ADGRL3: variants seen among roughly 807,000 people sequenced by gnomAD.
The protein encoded by ADGRL3 is calcium-independent alpha-latrotoxin receptor 3.
ADGRL3 carries 62 observed loss-of-function variants against 153.5 expected under a neutral mutation model. The observed-to-expected ratio is 0.40, with a 90% CI of 0.33 to 0.50. The LOEUF (loss-of-function observed/expected upper bound fraction) is 0.50. Ranked by LOEUF, ADGRL3 falls within the 20% of genes least tolerant of loss-of-function variation. The pLI is 0.47. For missense variants in ADGRL3, 1,641 were observed against 1,859.4 expected (o/e 0.88, Z 2.16); for synonymous variants, 710 against 672.5 (o/e 1.06, Z -0.86).
At position 62,031,615 on chromosome 4, in the gene ADGRL3, G is replaced by T. The variant is rs1360880141; in HGVS notation, c.3591+5G>T. On this transcript the variant is annotated splice_donor_5th_base_variant and intron_variant, in intron 23 of 26. Transcript: ENST00000683033. ...CATTGTGTCCTACAGAAGAAGGTAA[G>T]CTAGAATTCTTTTTTTAAAATAAAA... 6.3e-7 allele frequency: 1 copy of T among 1,586,290 alleles called. No individual in the cohort carries two copies. Among genetic ancestry groups the T allele is most frequent in the South Asian group, 1.1e-5 (1 of 88,542 alleles).
intron 19 of ADGRL3, among the ~76,000 whole-genome samples, chr4:61,993,059 T>C (rs930045072): frequency 6.6e-6 from 1 of 152,004 alleles, no homozygotes; most frequent in Non-Finnish European, 1.5e-5. Flanking sequence ...CAAAAACTTA[T>C]TTGACCTACA....
At chr4:61,986,844 A>T (rs2099087198) in intron 19 of ADGRL3, among the ~76,000 whole-genome samples, 1 of 152,162 alleles carries the variant, frequency 6.6e-6, no homozygotes, top group African/African-American at 2.4e-5. Context: ...CTTTTTCGGA[A>T]TTCATGCAAT....
intron 3 of ADGRL3, among the ~76,000 whole-genome samples, chr4:61,506,658 T>G (rs897935913): frequency 2.4e-4 from 36 of 152,194 alleles, no homozygotes; most frequent in African/African-American, 8.7e-4. Flanking sequence ...TTTGAAAAAA[T>G]TGAATAGTGA....
intron 4 of ADGRL3, among the ~76,000 whole-genome samples, chr4:61,582,764 T>C (rs903456170): frequency 1.3e-5 from 2 of 152,020 alleles, no homozygotes; most frequent in Non-Finnish European, 2.9e-5. Flanking sequence ...TGGCAGGTGA[T>C]TTAGTCCATA....
intron 2 of ADGRL3, among the ~76,000 whole-genome samples, chr4:61,388,245 G>T (rs901132082): frequency 6.6e-6 from 1 of 152,048 alleles, no homozygotes; most frequent in Non-Finnish European, 1.5e-5. Context: ...TGCATAAGTG[G>T]GTTAACAATA....
chr4:61,338,908 T>C (rs2095744998), intron 1 of ADGRL3, among the ~76,000 whole-genome samples: 1 of 152,218 alleles, frequency 6.6e-6, no homozygotes, highest in Admixed American at 6.5e-5. Context: ...CTAATGTATA[T>C]CAGTTGTGAA....
chr4:61,894,368 C>T (rs932140135), intron 10 of ADGRL3, among the ~76,000 whole-genome samples: 1 of 152,052 alleles, frequency 6.6e-6, no homozygotes, highest in Non-Finnish European at 1.5e-5. Flanking sequence ...ATAAAAAATA[C>T]ACTTTTTTCC....
At chr4:61,479,988 T>C (rs965995133) in intron 2 of ADGRL3, among the ~76,000 whole-genome samples, 1 of 152,140 alleles carries the variant, frequency 6.6e-6, no homozygotes, top group Non-Finnish European at 1.5e-5. Flanking sequence ...AGTTAACATG[T>C]TCATCTCTCA....
chr4:62,064,626 A>G (rs746656243), intron 25 of ADGRL3, among the ~76,000 whole-genome samples: 11 of 151,674 alleles, frequency 7.3e-5, no homozygotes, highest in Admixed American at 3.3e-4. Context: ...TTTCTGGGCA[A>G]TTTTTAATAA....
At chr4:61,437,850 C>G (rs2097471064) in intron 2 of ADGRL3, among the ~76,000 whole-genome samples, 1 of 152,098 alleles carries the variant, frequency 6.6e-6, no homozygotes, top group Admixed American at 6.5e-5. Flanking sequence ...CTCCTCCCTC[C>G]CTCCCCTTGC....
At chr4:61,505,631 T>C (rs1162394147) in intron 3 of ADGRL3, among the ~76,000 whole-genome samples, 3 of 152,064 alleles carry the variant, frequency 2.0e-5, no homozygotes, top group Non-Finnish European at 4.4e-5. Flanking sequence ...TTTATATTTT[T>C]ATATCTTTGT....
At chr4:61,860,602 A>G (rs575256559) in intron 9 of ADGRL3, among the ~76,000 whole-genome samples, 60 of 152,192 alleles carry the variant, frequency 3.9e-4, no homozygotes, top group African/African-American at 1.3e-3. Context: ...CCAGCATTAT[A>G]CAATTCTTAT....
At chr4:61,666,667 A>G (rs1284670987) in intron 5 of ADGRL3, among the ~76,000 whole-genome samples, 1 of 152,164 alleles carries the variant, frequency 6.6e-6, no homozygotes, top group Non-Finnish European at 1.5e-5. Flanking sequence ...ATAAAGTAGT[A>G]TATTATATAA....
chr4:61,894,985 G>C (rs1581348999), intron 10 of ADGRL3, among the ~76,000 whole-genome samples: 1 of 152,070 alleles, frequency 6.6e-6, no homozygotes, highest in East Asian at 1.9e-4. Flanking sequence ...GTAGACCCCA[G>C]TTCAAAAAAA....
rs540675031 is a variant in ADGRL3, at chr4:62,008,426, C to T, written c.3395+10161C>T. Among the ~76,000 whole-genome samples the T allele has an allele frequency of 2.6e-5, 4 of 152,148 alleles. No homozygotes were observed. In the South Asian group the frequency reaches 6.2e-4, roughly 24 times the overall value. On this transcript the variant is annotated intron_variant, in intron 21 of 26. Coordinates refer to ENST00000683033, the MANE Select transcript of ADGRL3 (RefSeq NM_001387552.1). The stretch of plus-strand genomic sequence containing the variant: ...AGGCTGATCTTATATAAGAAGGACG[C>T]AGACAATACCATTATTTCTTTATGT...
chr4:61,434,413 A>G (rs1377602454), intron 2 of ADGRL3, among the ~76,000 whole-genome samples: 1 of 152,130 alleles, frequency 6.6e-6, no homozygotes, highest in Non-Finnish European at 1.5e-5. Context: ...ATGGATATGC[A>G]TGTATACATA....
At chr4:61,815,055 A>G (rs554258546) in intron 9 of ADGRL3, among the ~76,000 whole-genome samples, 1 of 152,298 alleles carries the variant, frequency 6.6e-6, no homozygotes, top group East Asian at 1.9e-4. Flanking sequence ...AGTGAAGGTG[A>G]CCGCCTAGAT....
At chr4:61,361,917 AATT>A (rs2096287712) in intron 1 of ADGRL3, among the ~76,000 whole-genome samples, 1 of 151,040 alleles carries the variant, frequency 6.6e-6, no homozygotes, top group East Asian at 1.9e-4. Flanking sequence ...GAAGATAAGA[AATT>A]ATGAACTGTA....
chr4:61,281,263 T>C (rs1313749799), intron 1 of ADGRL3, among the ~76,000 whole-genome samples: 1 of 152,180 alleles, frequency 6.6e-6, no homozygotes, highest in Non-Finnish European at 1.5e-5. Context: ...AGCAAAATTA[T>C]AATATTCACA....
Sources: allele counts gnomAD v4.1 joint callset (sites outside exome capture counted in the v4.1 genomes callset), GRCh38; gene constraint gnomAD v4.1.1; transcripts MANE v1.5; gene names NCBI Gene and HGNC (gene_info 2026-07-23, HGNC 2026-07-21).